The following NR2F1-AS1 variants were observed in gnomAD, a reference collection of about 807,000 sequenced individuals.
NR2F1-AS1 encodes NR2F1 antisense RNA 1.
intron 4 of NR2F1-AS1, among the ~76,000 whole-genome samples, chr5:93,517,894 T>C (rs992346862): frequency 3.3e-5 from 5 of 152,084 alleles, no homozygotes; most frequent in Admixed American, 3.3e-4. Flanking sequence ...TACCACTTTT[T>C]GTAGTTTACA....
intron 4 of NR2F1-AS1, among the ~76,000 whole-genome samples, chr5:93,446,974 T>C (rs1580231794): frequency 6.6e-6 from 1 of 152,126 alleles, no homozygotes; most frequent in Non-Finnish European, 1.5e-5. Flanking sequence ...ATTTAATAAA[T>C]GGTGCTGGGA....
intron 4 of NR2F1-AS1, among the ~76,000 whole-genome samples, chr5:93,458,514 T>C (rs1750003601): frequency 6.6e-6 from 1 of 152,102 alleles, no homozygotes; most frequent in African/African-American, 2.4e-5. Context: ...TGAAATTATA[T>C]AAAAATTCAT....
intron 4 of NR2F1-AS1, among the ~76,000 whole-genome samples, chr5:93,460,789 T>C (rs1216618971): frequency 3.3e-5 from 5 of 152,168 alleles, no homozygotes; most frequent in Non-Finnish European, 5.9e-5. Context: ...TGAGGTACCA[T>C]CTCACACCAG....
intron 1 of NR2F1-AS1, among the ~76,000 whole-genome samples, chr5:93,575,054 G>T (rs987485407): frequency 6.6e-6 from 1 of 152,252 alleles, no homozygotes; most frequent in African/African-American, 2.4e-5. Flanking sequence ...TGACAGCCCA[G>T]GGTCTCTGCG....
At chr5:93,525,823 A>G (rs1751601417) in intron 4 of NR2F1-AS1, among the ~76,000 whole-genome samples, 1 of 152,216 alleles carries the variant, frequency 6.6e-6, no homozygotes. Context: ...ACAAAGAGAT[A>G]ACATACCAAA....
At chr5:93,561,904 T>C (rs1223604089) in intron 2 of NR2F1-AS1, among the ~76,000 whole-genome samples, 1 of 152,204 alleles carries the variant, frequency 6.6e-6, no homozygotes, top group Non-Finnish European at 1.5e-5. Flanking sequence ...AATATGAATG[T>C]GCTTTTTGCT....
intron 4 of NR2F1-AS1, among the ~76,000 whole-genome samples, chr5:93,487,091 G>A (rs781030986): frequency 2.6e-5 from 4 of 151,996 alleles, no homozygotes; most frequent in Non-Finnish European, 4.4e-5. Flanking sequence ...CTGATGGGAC[G>A]TATCTCAAAA....
intron 4 of NR2F1-AS1, among the ~76,000 whole-genome samples, chr5:93,434,281 G>GGA (rs1332970642): frequency 6.6e-6 from 1 of 152,106 alleles, no homozygotes; most frequent in Non-Finnish European, 1.5e-5. Flanking sequence ...CCAAACAGAA[G>GGA]GAGAGTTCCA....
chr5:93,485,764 T>C (rs1038901164), intron 4 of NR2F1-AS1, among the ~76,000 whole-genome samples: 2 of 151,678 alleles, frequency 1.3e-5, no homozygotes, highest in Non-Finnish European at 2.9e-5. Context: ...CATTACTGGG[T>C]ATATACCCAA....
At chr5:93,552,422 A>G (rs1379376361) in intron 4 of NR2F1-AS1, among the ~76,000 whole-genome samples, 2 of 152,314 alleles carry the variant, frequency 1.3e-5, no homozygotes, top group South Asian at 4.1e-4. Context: ...ACTGGGGTTT[A>G]ACATGTAAGA....
At chr5:93,578,635 T>C (rs2149934260) in intron 1 of NR2F1-AS1, among the ~76,000 whole-genome samples, 1 of 151,962 alleles carries the variant, frequency 6.6e-6, no homozygotes, top group African/African-American at 2.4e-5. Flanking sequence ...AAGAACCACG[T>C]CCAGACTCAG....
chr5:93,498,614 T>C (rs1389343313), intron 4 of NR2F1-AS1, among the ~76,000 whole-genome samples: 1 of 151,916 alleles, frequency 6.6e-6, no homozygotes, highest in Admixed American at 6.6e-5. Flanking sequence ...ATTTATAAAA[T>C]ACAAAGGTTC....
chr5:93,549,692 T>C (rs1341589560), intron 4 of NR2F1-AS1, among the ~76,000 whole-genome samples: 1 of 152,184 alleles, frequency 6.6e-6, no homozygotes, highest in Admixed American at 6.5e-5. Context: ...TTCTCAAGAC[T>C]GAATTTTGTG....
At chr5:93,497,877 C>T (rs1355283499) in intron 4 of NR2F1-AS1, among the ~76,000 whole-genome samples, 2 of 152,176 alleles carry the variant, frequency 1.3e-5, no homozygotes, top group African/African-American at 2.4e-5. Flanking sequence ...AATTCATCAT[C>T]GGAATCAAGG....
At chr5:93,512,484 A>G (rs746437894) in intron 4 of NR2F1-AS1, among the ~76,000 whole-genome samples, 7 of 152,150 alleles carry the variant, frequency 4.6e-5, no homozygotes, top group Non-Finnish European at 8.8e-5. Flanking sequence ...AGGTTAATTT[A>G]TTTTTGAAGG....
At chr5:93,481,063 A>G (rs971263278) in intron 4 of NR2F1-AS1, among the ~76,000 whole-genome samples, 5 of 152,102 alleles carry the variant, frequency 3.3e-5, no homozygotes, top group African/African-American at 9.6e-5. Context: ...AAATTAAAAA[A>G]CAGAGATTGT....
At chr5:93,438,926 T>C (rs192217746) in intron 4 of NR2F1-AS1, among the ~76,000 whole-genome samples, 2 of 152,352 alleles carry the variant, frequency 1.3e-5, no homozygotes, top group Admixed American at 1.3e-4. Flanking sequence ...TTGATGGTTA[T>C]TATGTAAGGT....
chr5:93,557,482 A>T (rs1420500958), intron 2 of NR2F1-AS1, among the ~76,000 whole-genome samples: 2 of 152,218 alleles, frequency 1.3e-5, no homozygotes, highest in Non-Finnish European at 2.9e-5. Flanking sequence ...TGCACATAAA[A>T]GTTATGTCTA....
At chr5:93,564,148 A>C (rs1388023830) in intron 1 of NR2F1-AS1, among the ~76,000 whole-genome samples, 8 of 132,134 alleles carry the variant, frequency 6.1e-5, no homozygotes, top group East Asian at 2.1e-4. Flanking sequence ...AAAAAAAAAA[A>C]AACACACAAC....
Sources: gnomAD v4.1 joint callset for allele counts (sites outside exome capture counted in the v4.1 genomes callset) on GRCh38, gnomAD v4.1.1 for gene constraint, MANE v1.5 for transcripts, NCBI Gene and HGNC (gene_info 2026-07-23, HGNC 2026-07-21) for gene names.